The following CACNA1A variants were observed in gnomAD, a reference collection of about 807,000 sequenced individuals.
CACNA1A encodes calcium voltage-gated channel subunit alpha1 A, also known as voltage-dependent P/Q-type calcium channel subunit alpha-1A.
A neutral mutation model predicts 262.4 loss-of-function variants in CACNA1A; 57 were observed. The ratio of observed to expected loss-of-function variants is 0.22; its 90% CI spans 0.18 to 0.27. CACNA1A has a LOEUF of 0.27. CACNA1A is among the 10% of genes least tolerant of loss of function. The pLI, the probability that CACNA1A is intolerant of heterozygous loss-of-function variation, is 1.00. For missense variants in CACNA1A, 2,526 were observed against 3,562.8 expected (o/e 0.71, Z 7.41); for synonymous variants, 1,431 against 1,419.3 (o/e 1.01, Z -0.18).
rs1982443206 is a variant in CACNA1A, at chr19:13,502,100, G to C, written c.293+3832C>G. On this transcript the variant is annotated intron_variant, in intron 1 of 46. Transcript: ENST00000360228. ...GGACAGGCCAAGAGTCTGATAACCT[G>C]CTCCCATGTCTCCCAGCGCTTCTCA... is the stretch of plus-strand genomic sequence containing the variant. Among the ~76,000 whole-genome samples the C allele has an allele frequency of 2.0e-5, 3 of 148,338 alleles. No individual in the cohort carries two copies. In the Admixed American group the frequency reaches 2.0e-4, roughly 10 times the overall value.
At chr19:13,251,922 G>T (rs940547818) in intron 30 of CACNA1A, among the ~76,000 whole-genome samples, 1 of 151,632 alleles carries the variant, frequency 6.6e-6, no homozygotes, top group Admixed American at 6.6e-5. Flanking sequence ...CCACAAGCAC[G>T]CCAGGCTAAT....
chr19:13,418,084 T>C (rs1360638250), intron 3 of CACNA1A, among the ~76,000 whole-genome samples: 1 of 152,080 alleles, frequency 6.6e-6, no homozygotes, highest in Non-Finnish European at 1.5e-5. Flanking sequence ...TGCAAAACCA[T>C]GTTGGTTTGA....
chr19:13,256,455 T>C (rs898724308), intron 28 of CACNA1A: 1 of 152,376 alleles, frequency 6.6e-6, no homozygotes, highest in African/African-American at 2.4e-5. Context: ...CAAAGAGTCA[T>C]GTCTATACTC....
intron 1 of CACNA1A, among the ~76,000 whole-genome samples, chr19:13,472,079 C>T (rs1034971099): frequency 6.6e-6 from 1 of 152,140 alleles, no homozygotes; most frequent in Non-Finnish European, 1.5e-5. Flanking sequence ...CCTCCTACCT[C>T]AGCCTCCCGG....
At position 13,466,668 on chromosome 19, in the gene CACNA1A, CT is replaced by C. The variant is rs1482101494; in HGVS notation, c.294-11457del. Among the ~76,000 whole-genome samples the C allele has an allele frequency of 2.4e-5, 3 of 123,666 alleles. No homozygotes were observed. In the Admixed American group the frequency reaches 2.4e-4, roughly 10 times the overall value. 81.1% of individuals were successfully genotyped at this position (123,666 alleles called of 152,430 possible). A position where few individuals can be genotyped will look rare whatever the true frequency, so the allele number is the denominator to read the frequency against. ...GACTCTGTCTTTTAAAATACTGCTGCTGCTGCTGCTACTTTCTTCAATAATA... is the reference window on the plus strand; with the variant it reads ...GACTCTGTCTTTTAAAATACTGCTGCGCTGCTGCTACTTTCTTCAATAATA... On this transcript the variant is annotated intron_variant, in intron 1 of 46. Coordinates refer to ENST00000360228, the MANE Select transcript of CACNA1A (RefSeq NM_001127222.2).
intron 3 of CACNA1A, among the ~76,000 whole-genome samples, chr19:13,439,754 C>A (rs377173002): frequency 6.6e-6 from 1 of 151,904 alleles, no homozygotes; most frequent in Non-Finnish European, 1.5e-5. Context: ...GACCGGCTAT[C>A]TTAGGCATAA....
chr19:13,303,697 T>G, intron 16 of CACNA1A, 70 bp downstream of exon 16: 1 of 1,554,220 alleles, frequency 6.4e-7, no homozygotes, highest in Non-Finnish European at 8.9e-7. Flanking sequence ...GTACCCTCCC[T>G]TGAGCCCCTG....
intron 5 of CACNA1A, chr19:13,362,115 A>C (rs1457138438): frequency 6.7e-6 from 1 of 149,112 alleles, no homozygotes; most frequent in Non-Finnish European, 1.5e-5. Context: ...TGCAGCCTCC[A>C]ATTCCTGGGC....
chr19:13,456,500 A>G (rs897932867), intron 1 of CACNA1A, among the ~76,000 whole-genome samples: 4 of 151,684 alleles, frequency 2.6e-5, no homozygotes, highest in African/African-American at 9.7e-5. Flanking sequence ...GTGAAACCCT[A>G]TCTCTACTAA....
rs568839378 is a variant in CACNA1A at position 13,251,617 on chromosome 19, T to C, written c.4866+1374A>G. Among the ~76,000 whole-genome samples the C allele has an allele frequency of 4.6e-5, 7 of 152,302 alleles. No individual in the cohort carries two copies. In the South Asian group the frequency reaches 1.4e-3, roughly 32 times the overall value. Reference sequence around the variant, plus strand: ...TATCTGCAGCTCTTATAATGCAGTATGAAAATATCTGATGTTTATAAGTGA... The same window carrying C: ...TATCTGCAGCTCTTATAATGCAGTACGAAAATATCTGATGTTTATAAGTGA... On this transcript the variant is annotated intron_variant, in intron 30 of 46. Transcript: ENST00000360228.
At chr19:13,463,718 G>GAAAC (rs2061168069) in intron 1 of CACNA1A, among the ~76,000 whole-genome samples, 1 of 152,160 alleles carries the variant, frequency 6.6e-6, no homozygotes. Flanking sequence ...GTATCAAATA[G>GAAAC]GTTTGTGTGT....
rs121908245 is a variant in CACNA1A, at chr19:13,332,911, C to T, written c.1213G>A (p.Ala405Thr). 9.9e-6 allele frequency: 16 copies of T among 1,612,292 alleles called. No individual in the cohort carries two copies. The highest frequency in any genetic ancestry group is 2.7e-5 in the African/African-American group (2 of 74,890). The change falls in exon 9 of 47, where the codon GCC becomes ACC. Residue 405 changes from alanine (A) to threonine (T), a missense_variant. This residue lies in a region of CACNA1A where 104 missense variants were observed against 127.6 expected (regional missense o/e 0.81). Transcript: ENST00000360228. The stretch of plus-strand genomic sequence containing the variant: ...TGCTCCCCGTCAGTTTCATCCTCGG[C>T]GAGGATCACCTCTTCTGAAGAGGAA... ...WISKAEEVIL[A>T]EDETDGEQRH...
chr19:13,232,204 CT>C (rs200455525), intron 34 of CACNA1A, among the ~76,000 whole-genome samples: 161 of 140,742 alleles, frequency 1.1e-3, no homozygotes, highest in Middle Eastern at 3.6e-3. Flanking sequence ...CTCTCTCTCT[CT>C]TTTTTTTTTT....
At chr19:13,376,894 T>C (rs2059428347) in intron 3 of CACNA1A, among the ~76,000 whole-genome samples, 1 of 91,542 alleles carries the variant, frequency 1.1e-5, no homozygotes, top group African/African-American at 2.9e-5. Context: ...ATATATGTTA[T>C]ATGTGATATA....
At position 13,266,270 on chromosome 19, in the gene CACNA1A, G is replaced by A. The variant is rs143360879; in HGVS notation, c.3990-3437C>T. ...ATCTCAGGGGGGAGTGCAGTGGCAC[G>A]ATCATAGCTCACCGCAGCCTCCAAC... On this transcript the variant is annotated intron_variant, in intron 24 of 46. Coordinates refer to ENST00000360228, the MANE Select transcript of CACNA1A (RefSeq NM_001127222.2). Among the ~76,000 whole-genome samples the A allele has an allele frequency of 4.1e-3, 602 of 148,624 alleles. 2 individuals carry two copies. Among genetic ancestry groups the A allele is most frequent in the Non-Finnish European group, 6.5e-3 (433 of 66,914 alleles).
chr19:13,480,721 A>T (rs553580747), intron 1 of CACNA1A, among the ~76,000 whole-genome samples: 3 of 152,324 alleles, frequency 2.0e-5, no homozygotes, highest in Admixed American at 2.0e-4. Flanking sequence ...TTTTGACTGC[A>T]CAGGAGGTCA....
chr19:13,364,763 C>T (rs1276797246), intron 5 of CACNA1A: 1 of 152,462 alleles, frequency 6.6e-6, no homozygotes, highest in East Asian at 1.9e-4. Flanking sequence ...CCTCAGCCTC[C>T]TGAGTAATTG....
chr19:13,281,365 G>A (rs2144860750), intron 22 of CACNA1A, among the ~76,000 whole-genome samples: 1 of 135,996 alleles, frequency 7.4e-6, no homozygotes, highest in Middle Eastern at 3.7e-3. Context: ...GCGACAGAGA[G>A]AGACATTGTC....
chr19:13,495,389 C>T lies in CACNA1A; in HGVS notation c.293+10543G>A, dbSNP rs151079534. Among the ~76,000 whole-genome samples the T allele has an allele frequency of 5.8e-3, 878 of 152,122 alleles. 8 individuals are homozygous for T. The highest frequency in any genetic ancestry group is 0.019 in the African/African-American group (808 of 41,482). On this transcript the variant is annotated intron_variant, in intron 1 of 46. Coordinates refer to ENST00000360228, the MANE Select transcript of CACNA1A (RefSeq NM_001127222.2). ...TTGGCTCACTGCAAGCTCCACCTCC[C>T]GGGTTCATGCCATTCTCCTGCCTCA...
Sources: gnomAD v4.1 joint callset for allele counts (sites outside exome capture counted in the v4.1 genomes callset) on GRCh38, gnomAD v4.1.1 for gene constraint, gnomAD v4.1.1 regional missense constraint, MANE v1.5 for transcripts, NCBI Gene and HGNC (gene_info 2026-07-23, HGNC 2026-07-21) for gene names.